The following SSTR1 variants were observed in gnomAD, a reference collection of about 807,000 sequenced individuals.
SSTR1 encodes the protein somatostatin receptor 1.
SSTR1 carries 10 observed loss-of-function variants against 20.7 expected under a neutral mutation model. That is an observed-to-expected ratio of 0.48 (90% CI 0.30 to 0.82). SSTR1 has a LOEUF of 0.82. SSTR1 is among the 40% of genes least tolerant of loss of function. The pLI is 0.07. For synonymous variants in SSTR1, 267 were observed against 227.8 expected (o/e 1.17, Z -1.55); for missense variants, 494 against 540.0 (o/e 0.91, Z 0.84).
rs370327349 is a variant in SSTR1, at chr14:38,210,433, G to C, written c.1044G>C (p.Glu348Asp). 4.3e-6 allele frequency: 7 copies of C among 1,614,186 alleles called. No individual in the cohort carries two copies. The highest frequency in any genetic ancestry group is 5.9e-6 in the Non-Finnish European group (7 of 1,180,044). The part of the protein sequence containing the change: ...LCLSWMDNAA[E>D]EPVDYYATAL... ...TCAGCTGGATGGACAACGCCGCGGA[G>C]GAGCCGGTTGACTATTACGCCACCG... Residue 348 changes from glutamate (E) to aspartate (D), a missense_variant, in exon 3 of 3, where the codon GAG becomes GAC. By Grantham distance (45) the Glu-to-Asp change is conservative. Transcript: ENST00000267377.
Position 38,210,195 on chromosome 14 carries a change from T to C in SSTR1, c.806T>C (p.Ile269Thr), listed in dbSNP as rs1444781760. Residue 269 changes from isoleucine to threonine, a missense_variant, in exon 3 of 3, where the codon ATC becomes ACC. Coordinates refer to ENST00000267377, the MANE Select transcript of SSTR1 (RefSeq NM_001049.3). The stretch of plus-strand genomic sequence containing the variant: ...CAGCGCAAGCGCTCGGAGCGCAAGA[T>C]CACCTTAATGGTGATGATGGTGGTG... ...WQQRKRSERK[I>T]TLMVMMVVMV... The C allele has an allele frequency of 6.2e-7, 1 of 1,614,260 alleles. No individual in the cohort carries two copies. The highest frequency in any genetic ancestry group is 1.3e-5 in the African/African-American group (1 of 75,072).
At position 38,209,375 on chromosome 14, in the gene SSTR1, C is replaced by CTT. The variant is rs768811061; in HGVS notation, c.-15_-14insTT. The CTT allele has an allele frequency of 2.7e-6, 4 of 1,475,072 alleles. No homozygotes were observed. Among genetic ancestry groups the CTT allele is most frequent in the Non-Finnish European group, 1.8e-6 (2 of 1,114,850 alleles). The allele number at this position is 1,475,072 out of a possible 1,614,324, so 91.4% of individuals were successfully genotyped here. A position where few individuals can be genotyped will look rare whatever the true frequency, so the allele number is the denominator to read the frequency against. On this transcript the variant is annotated 5_prime_UTR_variant, in exon 3 of 3. Transcript: ENST00000267377. ...GCCCCAGCCCTGGCAGCCCCACTGG[C>CTT]CCCCCTCAGCTGGGATGTTCCCCAA... is the stretch of plus-strand genomic sequence containing the variant.
intron 2 of SSTR1, among the ~76,000 whole-genome samples, 161 bp from the exon 3 acceptor site, chr14:38,208,885 C>T (rs946938313): frequency 1.3e-5 from 2 of 152,138 alleles, no homozygotes; most frequent in Non-Finnish European, 2.9e-5. Flanking sequence ...TCTCTTGGTT[C>T]CTCTGAGAGC....
chr14:38,210,646 C>T lies in SSTR1; in HGVS notation c.*81C>T. On this transcript the variant is annotated 3_prime_UTR_variant, in exon 3 of 3. Coordinates refer to ENST00000267377, the MANE Select transcript of SSTR1 (RefSeq NM_001049.3). ...GAGGGGGAGAATGAGAAGGGAAGGC[C>T]GGGTGCGAAAGGGACGGTATCCAGG... 1.4e-6 allele frequency: 2 copies of T among 1,408,112 alleles called. No homozygotes were observed. The highest frequency in any genetic ancestry group is 1.9e-6 in the Non-Finnish European group (2 of 1,071,790). 87.2% of individuals were successfully genotyped at this position (1,408,112 alleles called of 1,614,324 possible).
chr14:38,208,827 G>C (rs1224981970), intron 2 of SSTR1, among the ~76,000 whole-genome samples: 2 of 152,170 alleles, frequency 1.3e-5, no homozygotes, highest in Non-Finnish European at 2.9e-5. Context: ...GAATGAGACA[G>C]AATCTATACC....
Position 38,210,174 on chromosome 14 carries a change from G to T in SSTR1, c.785G>T (p.Arg262Leu). Residue 262 changes from arginine (R) to leucine (L), a missense_variant, in exon 3 of 3, where the codon CGC becomes CTC. Arg to Leu is a moderately radical substitution (Grantham distance 102). Around this residue, in one of 3 missense-constraint regions of SSTR1, gnomAD observed 280 missense variants for 286.1 expected, o/e 0.98. Coordinates refer to ENST00000267377, the MANE Select transcript of SSTR1 (RefSeq NM_001049.3). ...GCCCTCAAGGCCGGCTGGCAGCAGC[G>T]CAAGCGCTCGGAGCGCAAGATCACC... is the stretch of plus-strand genomic sequence containing the variant. ...MVALKAGWQQ[R>L]KRSERKITLM... The T allele has an allele frequency of 2.5e-6, 4 of 1,614,224 alleles. No homozygotes were observed. In the African/African-American group the frequency reaches 5.3e-5, roughly 22 times the overall value.
Position 38,210,666 on chromosome 14 carries a change from T to A in SSTR1, c.*101T>A. On this transcript the variant is annotated 3_prime_UTR_variant, in exon 3 of 3. Coordinates refer to ENST00000267377, the MANE Select transcript of SSTR1 (RefSeq NM_001049.3). ...AAGGCCGGGTGCGAAAGGGACGGTA[T>A]CCAGGGCGCCAGGGTGCTGTCGGGA... The A allele has an allele frequency of 3.4e-6, 5 of 1,460,324 alleles. No individual in the cohort carries two copies. The South Asian group carries it at 7.2e-5, about 21-fold the overall frequency. 90.5% of individuals were successfully genotyped at this position (1,460,324 alleles called of 1,614,324 possible).
Position 38,210,682 on chromosome 14 carries a change from G to A in SSTR1, c.*117G>A. 6.9e-7 allele frequency: 1 copy of A among 1,453,184 alleles called. No individual in the cohort carries two copies. The highest frequency in any genetic ancestry group is 9.1e-7 in the Non-Finnish European group (1 of 1,102,108). 90.0% of individuals were successfully genotyped at this position (1,453,184 alleles called of 1,614,324 possible). A position where few individuals can be genotyped will look rare whatever the true frequency, so the allele number is the denominator to read the frequency against. On this transcript the variant is annotated 3_prime_UTR_variant, in exon 3 of 3. Coordinates refer to ENST00000267377, the MANE Select transcript of SSTR1 (RefSeq NM_001049.3). Reference sequence around the variant, plus strand: ...GGGACGGTATCCAGGGCGCCAGGGTGCTGTCGGGATAACGTGGGGCTAGGA... The same window carrying A: ...GGGACGGTATCCAGGGCGCCAGGGTACTGTCGGGATAACGTGGGGCTAGGA...
Position 38,210,790 on chromosome 14 carries a change from C to T in SSTR1, c.*225C>T. 8.7e-7 allele frequency: 1 copy of T among 1,147,012 alleles called. No individual in the cohort carries two copies. Among genetic ancestry groups the T allele is most frequent in the Non-Finnish European group, 1.2e-6 (1 of 847,496 alleles). The allele number at this position is 1,147,012 out of a possible 1,614,324, so 71.1% of individuals were successfully genotyped here. A position where few individuals can be genotyped will look rare whatever the true frequency, so the allele number is the denominator to read the frequency against. ...GAGCTTTGCTTATAAACTGGGAAGG[C>T]TTTCAGGCTACCTTTTTCTGGGTCT... is the stretch of plus-strand genomic sequence containing the variant. On this transcript the variant is annotated 3_prime_UTR_variant, in exon 3 of 3. Coordinates refer to ENST00000267377, the MANE Select transcript of SSTR1 (RefSeq NM_001049.3).
In SSTR1 at chr14:38,209,564, A is replaced by G. The variant is rs1166828254; in HGVS notation, c.175A>G (p.Ile59Val). 6.2e-7 allele frequency: 1 copy of G among 1,611,506 alleles called. No homozygotes were observed. Among genetic ancestry groups the G allele is most frequent in the East Asian group, 2.2e-5 (1 of 44,812 alleles). Residue 59 changes from isoleucine to valine, a missense_variant, in exon 3 of 3, where the codon ATC becomes GTC. Ile to Val is a conservative substitution (Grantham distance 29, BLOSUM62 3). Coordinates refer to ENST00000267377, the MANE Select transcript of SSTR1 (RefSeq NM_001049.3). Reference sequence around the variant, plus strand: ...CTTGAGCGAGGGCCAGGGCAGCGCCATCCTGATCTCTTTCATCTACTCCGT... The same window carrying G: ...CTTGAGCGAGGGCCAGGGCAGCGCCGTCCTGATCTCTTTCATCTACTCCGT... ...GTLSEGQGSAILISFIYSVVC... is the reference protein window; with the variant it reads ...GTLSEGQGSAVLISFIYSVVC...
In SSTR1 at chr14:38,210,313, G is replaced by A. The variant is rs1335319550; in HGVS notation, c.924G>A (p.Ser308=). 1 of 1,614,244 alleles carries A rather than the reference G, an allele frequency of 6.2e-7. No individual in the cohort carries two copies. Among genetic ancestry groups the A allele is most frequent in the Admixed American group, 1.7e-5 (1 of 60,030 alleles). ...EQDDATVSQL[S]VILGYANSCA... is the part of the protein sequence containing the mutation. ...ACGACGCCACGGTGAGTCAGCTGTCGGTCATCCTCGGCTATGCCAACAGCT... is the reference window on the plus strand; with the variant it reads ...ACGACGCCACGGTGAGTCAGCTGTCAGTCATCCTCGGCTATGCCAACAGCT... Residue 308 remains serine (S), a synonymous_variant, in exon 3 of 3, where the codon TCG becomes TCA. Coordinates refer to ENST00000267377, the MANE Select transcript of SSTR1 (RefSeq NM_001049.3).
In SSTR1 at chr14:38,211,610, C is replaced by A. The variant is rs1883331225; in HGVS notation, c.*1045C>A. 6.0e-6 allele frequency: 1 copy of A among 167,120 alleles called. No individual in the cohort carries two copies. Among genetic ancestry groups the A allele is most frequent in the Non-Finnish European group, 1.5e-5 (1 of 68,148 alleles). The allele number at this position is 167,120 out of a possible 1,614,324, so 10.4% of individuals were successfully genotyped here. On this transcript the variant is annotated 3_prime_UTR_variant, in exon 3 of 3. Transcript: ENST00000267377. The stretch of plus-strand genomic sequence containing the variant: ...TCCGGAGGAGCCGACCTAAAAGTAA[C>A]AATAGATAAGGTTTCCTGCTCCAGT...
In SSTR1 at chr14:38,210,583, G is replaced by T. The variant is rs780999411; in HGVS notation, c.*18G>T. The T allele has an allele frequency of 1.9e-6, 3 of 1,550,634 alleles. No homozygotes were observed. Among genetic ancestry groups the T allele is most frequent in the Non-Finnish European group, 2.6e-6 (3 of 1,152,482 alleles). On this transcript the variant is annotated 3_prime_UTR_variant, in exon 3 of 3. Transcript: ENST00000267377. ...CGCTCTGAGCCCGGGCCACGCAGGG[G>T]CTCTGAGCCCGGGCCACGCAGGGGC...
rs908584381 is a variant in SSTR1 at position 38,211,138 on chromosome 14, G to A, written c.*573G>A. 2 of 167,504 alleles carry A rather than the reference G, an allele frequency of 1.2e-5. No individual in the cohort carries two copies. Among genetic ancestry groups the A allele is most frequent in the Non-Finnish European group, 2.9e-5 (2 of 68,624 alleles). 10.4% of individuals were successfully genotyped at this position (167,504 alleles called of 1,614,324 possible). Reference sequence around the variant, plus strand: ...CCCTACCTTAAGGAAAGTTGGACTTGAGAAAGATCTAAGCAGCTGGTCTTT... The same window carrying A: ...CCCTACCTTAAGGAAAGTTGGACTTAAGAAAGATCTAAGCAGCTGGTCTTT... On this transcript the variant is annotated 3_prime_UTR_variant, in exon 3 of 3. Coordinates refer to ENST00000267377, the MANE Select transcript of SSTR1 (RefSeq NM_001049.3).
rs748490481 is a variant in SSTR1 at position 38,212,740 on chromosome 14, CTA to C, written c.*2177_*2178del. Reference sequence around the variant, plus strand: ...ACATGATATACAATGGTTAAAATCACTATTGAAAAATACGTTTTGTGTATATT... The same window carrying C: ...ACATGATATACAATGGTTAAAATCACTTGAAAAATACGTTTTGTGTATATT... On this transcript the variant is annotated 3_prime_UTR_variant, in exon 3 of 3. Transcript: ENST00000267377. 1.2e-5 allele frequency: 2 copies of C among 166,966 alleles called. No individual in the cohort carries two copies. Among genetic ancestry groups the C allele is most frequent in the Non-Finnish European group, 2.9e-5 (2 of 68,106 alleles). The allele number at this position is 166,966 out of a possible 1,614,324, so 10.3% of individuals were successfully genotyped here.
chr14:38,210,838 A>G lies in SSTR1; in HGVS notation c.*273A>G, dbSNP rs1883315539. On this transcript the variant is annotated 3_prime_UTR_variant, in exon 3 of 3. Coordinates refer to ENST00000267377, the MANE Select transcript of SSTR1 (RefSeq NM_001049.3). ...TCTCCCACTTTCTGTTCCTTCCTCC[A>G]CTGCGCTTACTCCTCTGACCCTCCT... 1.6e-6 allele frequency: 1 copy of G among 636,538 alleles called. No individual in the cohort carries two copies. Among genetic ancestry groups the G allele is most frequent in the Admixed American group, 3.9e-5 (1 of 25,888 alleles). 39.4% of individuals were successfully genotyped at this position (636,538 alleles called of 1,614,324 possible). A position where few individuals can be genotyped will look rare whatever the true frequency, so the allele number is the denominator to read the frequency against.
In SSTR1 at chr14:38,210,526, C is replaced by A; in HGVS notation, c.1137C>A (p.Phe379Leu). The A allele has an allele frequency of 1.3e-6, 2 of 1,586,582 alleles. No homozygotes were observed. The highest frequency in any genetic ancestry group is 1.7e-6 in the Non-Finnish European group (2 of 1,166,576). The change falls in exon 3 of 3, where the codon TTC becomes TTA. Residue 379 changes from phenylalanine to leucine, a missense_variant. Transcript: ENST00000267377. ...QPENLESGGV[F>L]RNGTCTSRIT... The stretch of plus-strand genomic sequence containing the variant: ...AGAACCTGGAGTCCGGCGGCGTCTT[C>A]CGTAATGGCACCTGCACGTCCCGGA...
Position 38,210,180 on chromosome 14 carries a change from G to C in SSTR1, c.791G>C (p.Arg264Pro), listed in dbSNP as rs1433368667. The C allele has an allele frequency of 6.2e-7, 1 of 1,614,122 alleles. No individual in the cohort carries two copies. Among genetic ancestry groups the C allele is most frequent in the Admixed American group, 1.7e-5 (1 of 60,008 alleles). ...AAGGCCGGCTGGCAGCAGCGCAAGC[G>C]CTCGGAGCGCAAGATCACCTTAATG... ...ALKAGWQQRK[R>P]SERKITLMVM... Residue 264 changes from arginine (R) to proline (P), a missense_variant, in exon 3 of 3, where the codon CGC becomes CCC. By Grantham distance (103) the Arg-to-Pro change is moderately radical. This residue lies in a region of SSTR1 where 280 missense variants were observed against 286.1 expected (regional missense o/e 0.98). Transcript: ENST00000267377.
At chr14:38,208,846 C>T (rs1214525515) in intron 2 of SSTR1, among the ~76,000 whole-genome samples, 200 bp from the exon 3 acceptor site, 2 of 152,108 alleles carry the variant, frequency 1.3e-5, no homozygotes, top group African/African-American at 4.8e-5. Context: ...CCTTTGGTTC[C>T]CACCCGCCCT....
Sources: gnomAD v4.1 joint callset for allele counts (sites outside exome capture counted in the v4.1 genomes callset) on GRCh38, gnomAD v4.1.1 for gene constraint, gnomAD v4.1.1 regional missense constraint, MANE v1.5 for transcripts, NCBI Gene and HGNC (gene_info 2026-07-23, HGNC 2026-07-21) for gene names.